SMARCA4: variants seen among roughly 807,000 people sequenced by gnomAD.
SMARCA4 encodes SWI/SNF-related matrix-associated actin-dependent regulator of chromatin subfamily A member 4.
In SMARCA4, 31 loss-of-function variants were observed where a neutral mutation model predicts 193.9. The observed-to-expected ratio is 0.16, with a 90% CI of 0.12 to 0.22. The LOEUF (loss-of-function observed/expected upper bound fraction) is 0.22. SMARCA4 is among the 10% of genes least tolerant of loss of function. SMARCA4 has a pLI of 1.00. For missense variants in SMARCA4, 1,148 were observed against 2,296.0 expected, an observed-to-expected ratio of 0.50 and a Z score of 10.22; for synonymous variants, 942 against 933.1, an observed-to-expected ratio of 1.01 and a Z score of -0.17.
rs929427797 is a variant in SMARCA4, at chr19:10,961,068, G to T, written c.-138G>T. 2.7e-5 allele frequency: 4 copies of T among 149,554 alleles called. No homozygotes were observed. Among genetic ancestry groups the T allele is most frequent in the African/African-American group, 7.3e-5 (3 of 41,212 alleles). 9.3% of individuals were successfully genotyped at this position (149,554 alleles called of 1,614,324 possible). A position where few individuals can be genotyped will look rare whatever the true frequency, so the allele number is the denominator to read the frequency against. The stretch of plus-strand genomic sequence containing the variant: ...AGGCTTCCCCTCGTTTGGCGGCGGC[G>T]GCGGCTTCTTTGTTTCGTGAAGAGA... On this transcript the variant is annotated 5_prime_UTR_variant, in exon 1 of 35. Coordinates refer to ENST00000344626, the MANE Select transcript of SMARCA4 (RefSeq NM_003072.5).
At position 11,030,358 on chromosome 19, in the gene SMARCA4, A is replaced by G. The variant is rs983551000; in HGVS notation, c.3383-372A>G. Among the ~76,000 whole-genome samples the G allele has an allele frequency of 6.6e-6, 1 of 152,112 alleles. No homozygotes were observed. Among genetic ancestry groups the G allele is most frequent in the African/African-American group, 2.4e-5 (1 of 41,426 alleles). On this transcript the variant is annotated intron_variant, in intron 24 of 34. Transcript: ENST00000344626. The surrounding 1 kb of genome is among the most constrained non-coding windows in gnomAD (Gnocchi z 5.5). ...TTGGCCGCTGTGTCTTCCGCTCCCC[A>G]TGGAATGGCACAGGGTAGAGTAGAG...
chr19:11,059,102 C>T, intron 32 of SMARCA4: 1 of 529,004 alleles, frequency 1.9e-6, no homozygotes, highest in Non-Finnish European at 3.4e-6. Flanking sequence ...TAACAAGACC[C>T]TGTCTTTAAA....
At position 11,034,632 on chromosome 19, in the gene SMARCA4, G is replaced by A. The variant is rs1041808476; in HGVS notation, c.3952-282G>A. Among the ~76,000 whole-genome samples, 5 of 152,148 alleles carry A rather than the reference G, an allele frequency of 3.3e-5. No individual in the cohort carries two copies. The highest frequency in any genetic ancestry group is 1.2e-4 in the African/African-American group (5 of 41,460). On this transcript the variant is annotated intron_variant, in intron 28 of 34. Coordinates refer to ENST00000344626, the MANE Select transcript of SMARCA4 (RefSeq NM_003072.5). This position sits in a 1 kb window ranked among gnomAD's most constrained non-coding sequence, Gnocchi z 7.0. ...CAGGCCTCATGCCTCCACCAACGCT[G>A]GGCCACGCAGCTGCTGCCCCCCTGC...
At chr19:10,990,793 G>C (rs1287351719) in intron 7 of SMARCA4, among the ~76,000 whole-genome samples, 1 of 152,108 alleles carries the variant, frequency 6.6e-6, no homozygotes, top group Non-Finnish European at 1.5e-5. Flanking sequence ...TCCTGGGCTT[G>C]AGCAATCCTC....
rs145924429 is a variant in SMARCA4, at chr19:11,047,226, A to G, written c.4424+5666A>G. 4.3e-3 allele frequency among the ~76,000 whole-genome samples: 652 copies of G among 152,198 alleles called. 3 individuals are homozygous for G. The highest frequency in any genetic ancestry group is 7.0e-3 in the Non-Finnish European group (479 of 68,004). On this transcript the variant is annotated intron_variant, in intron 30 of 34. Transcript: ENST00000344626. The stretch of plus-strand genomic sequence containing the variant: ...AGTGCAAGGCTACAGATTAAAATCA[A>G]CCAAGGCAAGAGATGTATGGGGCCT...
chr19:10,980,653 A>G (rs981373209), intron 1 of SMARCA4: 3 of 151,488 alleles, frequency 2.0e-5, no homozygotes, highest in Non-Finnish European at 2.9e-5. Context: ...AAAATGTACA[A>G]TGAGGAGAGC....
In SMARCA4 at chr19:11,061,203, AAATAT is replaced by A. The variant is rs1404656065; in HGVS notation, c.4912-579_4912-575del. On this transcript the variant is annotated intron_variant, in intron 34 of 34. Coordinates refer to ENST00000344626, the MANE Select transcript of SMARCA4 (RefSeq NM_003072.5). The stretch of plus-strand genomic sequence containing the variant: ...ACCCTGTCTTTAAAAAAAAAAAAAA[AAATAT>A]ATATATATATATATATATATATATA... Among the ~76,000 whole-genome samples, 401 of 47,410 alleles carry A rather than the reference AAATAT, an allele frequency of 8.5e-3. 1 individual carries two copies. The highest frequency in any genetic ancestry group is 0.02 in the Middle Eastern group (2 of 100). The allele number at this position is 47,410 out of a possible 152,430, so 31.1% of individuals were successfully genotyped here.
At position 11,060,038 on chromosome 19, in the gene SMARCA4, C is replaced by A. The variant is rs907366824; in HGVS notation, c.4769-7C>A. ...CAAGGCTGTCTTTCCCTCCCGGTCC[C>A]CTCCAGCTCGGTCCGTCAAAGTGAA... On this transcript the variant is annotated splice_region_variant and splice_polypyrimidine_tract_variant and intron_variant, in intron 33 of 34. Transcript: ENST00000344626. The A allele has an allele frequency of 8.9e-6, 14 of 1,572,734 alleles. No individual in the cohort carries two copies. The highest frequency in any genetic ancestry group is 1.1e-5 in the Non-Finnish European group (13 of 1,159,520).
At chr19:11,049,918 G>A (rs560810396) in intron 30 of SMARCA4, among the ~76,000 whole-genome samples, 1 of 152,182 alleles carries the variant, frequency 6.6e-6, no homozygotes, top group Non-Finnish European at 1.5e-5. Context: ...CTTGGCCAAC[G>A]TGGCAAAAAC....
chr19:10,972,979 T>A (rs762645539), intron 1 of SMARCA4, among the ~76,000 whole-genome samples: 3 of 152,040 alleles, frequency 2.0e-5, no homozygotes, highest in Non-Finnish European at 4.4e-5. Flanking sequence ...CATGGCGGTG[T>A]GCGCCTGTAG....
Position 11,058,253 on chromosome 19 carries a change from A to T in SMARCA4, c.4425-2A>T, listed in dbSNP as rs2147084531. ...GTGATAGCCGCCGGTTCTGCCTTGCAGCAGCAGTGGACGTCAGCTCAGCGA... is the reference window on the plus strand; with the variant it reads ...GTGATAGCCGCCGGTTCTGCCTTGCTGCAGCAGTGGACGTCAGCTCAGCGA... On this transcript the variant is annotated splice_acceptor_variant, in intron 30 of 34. Coordinates refer to ENST00000344626, the MANE Select transcript of SMARCA4 (RefSeq NM_003072.5). LOFTEE classifies it high-confidence loss of function. This position sits in a 1 kb window ranked among gnomAD's most constrained non-coding sequence, Gnocchi z 5.8. The T allele has an allele frequency of 6.2e-7, 1 of 1,609,378 alleles. No homozygotes were observed. The highest frequency in any genetic ancestry group is 8.5e-7 in the Non-Finnish European group (1 of 1,177,546).
At chr19:11,059,647 A>T in intron 32 of SMARCA4, 106 bp from the exon 33 acceptor site, 1 of 1,299,634 alleles carries the variant, frequency 7.7e-7, no homozygotes, top group Non-Finnish European at 1.1e-6. Context: ...GCCACTGATC[A>T]GCTGTCCAGG....
chr19:11,043,693 A>G (rs986893980), intron 30 of SMARCA4, among the ~76,000 whole-genome samples: 10 of 152,024 alleles, frequency 6.6e-5, no homozygotes, highest in Non-Finnish European at 1.3e-4. Context: ...TATTTAAAAC[A>G]TGGGCCAGGT....
intron 6 of SMARCA4, among the ~76,000 whole-genome samples, chr19:10,989,090 G>A (rs1461290997): frequency 3.3e-5 from 5 of 152,314 alleles, no homozygotes; most frequent in Admixed American, 1.3e-4. Context: ...TGACCTGGGC[G>A]CGTCTATCAG....
intron 29 of SMARCA4, among the ~76,000 whole-genome samples, chr19:11,035,391 C>A (rs1013755661): frequency 6.6e-6 from 1 of 152,258 alleles, no homozygotes; most frequent in Non-Finnish European, 1.5e-5. Flanking sequence ...GTTGGTCTTT[C>A]AAGTAAAAGG....
At chr19:11,025,377 C>A (rs760332503) in intron 21 of SMARCA4, 45 bp from the exon 22 acceptor site, 1 of 1,385,122 alleles carries the variant, frequency 7.2e-7, no homozygotes, top group South Asian at 1.2e-5. Flanking sequence ...CACCCCACCC[C>A]AGGAGGGCAA....
rs1446797648 is a variant in SMARCA4 at position 11,029,401 on chromosome 19, G to C, written c.3383-1329G>C. Among the ~76,000 whole-genome samples, 4 of 152,258 alleles carry C rather than the reference G, an allele frequency of 2.6e-5. No homozygotes were observed. The South Asian group carries it at 6.2e-4, about 24-fold the overall frequency. ...TGAACTACAGATGTGTCCTCTGCAT[G>C]TGATGTGGTCATGGCCACAGGGCCA... is the stretch of plus-strand genomic sequence containing the variant. On this transcript the variant is annotated intron_variant, in intron 24 of 34. Coordinates refer to ENST00000344626, the MANE Select transcript of SMARCA4 (RefSeq NM_003072.5).
intron 1 of SMARCA4, among the ~76,000 whole-genome samples, chr19:10,983,000 A>G (rs1234681559): frequency 6.6e-6 from 1 of 152,202 alleles, no homozygotes; most frequent in Non-Finnish European, 1.5e-5. Flanking sequence ...CAGAGCCAGG[A>G]AATGCAGTGT....
At chr19:10,972,191 T>G (rs2084731047) in intron 1 of SMARCA4, among the ~76,000 whole-genome samples, 1 of 152,084 alleles carries the variant, frequency 6.6e-6, no homozygotes, top group African/African-American at 2.4e-5. Context: ...ACTCCTGACC[T>G]CAAGTTATCC....
Sources: gnomAD v4.1 joint callset for allele counts (sites outside exome capture counted in the v4.1 genomes callset) on GRCh38, gnomAD v4.1.1 for gene constraint, Gnocchi (gnomAD v3.1) non-coding constraint, MANE v1.5 for transcripts, NCBI Gene and HGNC (gene_info 2026-07-23, HGNC 2026-07-21) for gene names.